The following EFCAB6 variants were observed in gnomAD, a reference collection of about 807,000 sequenced individuals.
EFCAB6 encodes the protein EF-hand calcium-binding domain-containing protein 6.
EFCAB6 carries 156 observed loss-of-function variants against 169.8 expected under a neutral mutation model. The observed-to-expected ratio is 0.92, with a 90% CI of 0.81 to 1.05. The LOEUF is 1.05. EFCAB6 is among the 50% of genes least tolerant of loss of function. The probability of loss-of-function intolerance (pLI) is 0.00; values close to 1 mark genes in which losing one functional copy is unlikely to be tolerated. For synonymous variants in EFCAB6, 698 were observed against 676.4 expected (o/e 1.03, Z -0.50); for missense variants, 1,800 against 1,829.1 (o/e 0.98, Z 0.29).
intron 8 of EFCAB6, among the ~76,000 whole-genome samples, chr22:43,718,341 G>C (rs556595037): frequency 1.3e-5 from 2 of 152,048 alleles, no homozygotes; most frequent in Non-Finnish European, 2.9e-5. Flanking sequence ...CTGCAAATAC[G>C]CTTCAGCCAA....
intron 30 of EFCAB6, among the ~76,000 whole-genome samples, chr22:43,534,477 T>C (rs2047269264): frequency 1.3e-5 from 2 of 152,156 alleles, no homozygotes; most frequent in South Asian, 4.2e-4. Context: ...AATACAAAAA[T>C]TAGCTGGATA....
chr22:43,594,391 A>T (rs2051837526), intron 23 of EFCAB6, among the ~76,000 whole-genome samples: 1 of 152,188 alleles, frequency 6.6e-6, no homozygotes, highest in Non-Finnish European at 1.5e-5. Context: ...TGCTGCCTAT[A>T]AGAAACTCAC....
intron 2 of EFCAB6, among the ~76,000 whole-genome samples, chr22:43,783,004 C>G (rs1226819078): frequency 6.6e-6 from 1 of 152,154 alleles, no homozygotes; most frequent in East Asian, 1.9e-4. Context: ...ACAGGGAAAA[C>G]CCAGCAGGCT....
Position 43,752,276 on chromosome 22 carries a change from C to A in EFCAB6, c.507+3490G>T, listed in dbSNP as rs557349748. Among the ~76,000 whole-genome samples, 10 of 152,168 alleles carry A rather than the reference C, an allele frequency of 6.6e-5. No individual in the cohort carries two copies. The South Asian group carries it at 2.1e-3, about 32-fold the overall frequency. On this transcript the variant is annotated intron_variant, in intron 6 of 31. Transcript: ENST00000262726. ...GGAACTACTGGTGTGCGCCACCATGCCCAGTTAATTTTTGTATTTTTAGTA... is the reference window on the plus strand; with the variant it reads ...GGAACTACTGGTGTGCGCCACCATGACCAGTTAATTTTTGTATTTTTAGTA...
At position 43,580,472 on chromosome 22, in the gene EFCAB6, A is replaced by C; in HGVS notation, c.3220T>G (p.Leu1074Val). Residue 1074 changes from leucine (L) to valine (V), a missense_variant, in exon 25 of 32, where the codon TTG becomes GTG. Physicochemically the swap from Leu to Val is conservative, Grantham distance 32 (BLOSUM62 1). Transcript: ENST00000262726. ...CTTTCAGCCTGTCATACCGTGGACA[A>C]AGCCAGCTGGGAGGACTCAACTACT... ...QEVVESSQLA[L>V]STAFSALDKE... 6.2e-7 allele frequency: 1 copy of C among 1,614,044 alleles called. No homozygotes were observed. Among genetic ancestry groups the C allele is most frequent in the Non-Finnish European group, 8.5e-7 (1 of 1,179,970 alleles).
At chr22:43,583,761 T>C (rs924463368) in intron 24 of EFCAB6, among the ~76,000 whole-genome samples, 38 of 152,236 alleles carry the variant, frequency 2.5e-4, no homozygotes, top group African/African-American at 7.5e-4. Flanking sequence ...TCCAGGACAT[T>C]TTCAGCAGAT....
In EFCAB6 at chr22:43,765,387, G is replaced by C. The variant is rs1329907981; in HGVS notation, c.358C>G (p.Leu120Val). Residue 120 changes from leucine to valine, a missense_variant, in exon 5 of 32, where the codon CTT (leucine) becomes GTT (valine). Coordinates refer to ENST00000262726, the MANE Select transcript of EFCAB6 (RefSeq NM_022785.4). ...QFQDVLAQIP[L>V]STSGTVPYLA... ...TACGGTACAGTACCAGAGGTGCTAA[G>C]GGGGATCTACAGTCAAGGGAGAAGA... 6.2e-7 allele frequency: 1 copy of C among 1,611,292 alleles called. No individual in the cohort carries two copies. The highest frequency in any genetic ancestry group is 1.3e-5 in the African/African-American group (1 of 74,940).
chr22:43,693,002 G>A (rs1223618025), intron 10 of EFCAB6, among the ~76,000 whole-genome samples: 1 of 152,198 alleles, frequency 6.6e-6, no homozygotes, highest in East Asian at 1.9e-4. Context: ...AGAGAAAAGT[G>A]ACTCATTAGG....
chr22:43,744,398 G>A lies in EFCAB6; in HGVS notation c.508-8405C>T, dbSNP rs997998418. 6.6e-6 allele frequency among the ~76,000 whole-genome samples: 1 copy of A among 152,214 alleles called. No individual in the cohort carries two copies. The highest frequency in any genetic ancestry group is 2.4e-5 in the African/African-American group (1 of 41,450). On this transcript the variant is annotated intron_variant, in intron 6 of 31. Coordinates refer to ENST00000262726, the MANE Select transcript of EFCAB6 (RefSeq NM_022785.4). This position sits in a 1 kb window ranked among gnomAD's most constrained non-coding sequence, Gnocchi z 4.3. ...AGTGATCTGCTCTGCACCTACCTGG[G>A]AAGAGGAACTGAGACTCAGACAGAC...
chr22:43,668,363 G>A (rs2057351346), intron 16 of EFCAB6, among the ~76,000 whole-genome samples: 1 of 152,110 alleles, frequency 6.6e-6, no homozygotes. Flanking sequence ...ATATTCATCA[G>A]GCTAATTTTT....
chr22:43,543,798 C>A (rs1279421201), intron 27 of EFCAB6, among the ~76,000 whole-genome samples: 2 of 152,144 alleles, frequency 1.3e-5, no homozygotes, highest in Admixed American at 1.3e-4. Flanking sequence ...GAAAGGGACC[C>A]CTCTCAGGCA....
chr22:43,732,591 C>T (rs867441829), intron 7 of EFCAB6, among the ~76,000 whole-genome samples: 4 of 151,308 alleles, frequency 2.6e-5, no homozygotes, highest in South Asian at 2.1e-4. Context: ...CTCAGCCTAC[C>T]GAGTAGCTGG....
intron 24 of EFCAB6, among the ~76,000 whole-genome samples, chr22:43,583,112 G>A (rs1462560713): frequency 6.6e-6 from 1 of 151,924 alleles, no homozygotes; most frequent in Admixed American, 6.6e-5. Context: ...CTTGAACTTG[G>A]ACCCACCTCA....
intron 3 of EFCAB6, among the ~76,000 whole-genome samples, chr22:43,780,838 T>C (rs917207372): frequency 1.3e-5 from 2 of 152,178 alleles, no homozygotes; most frequent in South Asian, 2.1e-4. Flanking sequence ...AGCCTGAGTG[T>C]CCAGCATGAC....
chr22:43,745,746 T>C (rs1461952680), intron 6 of EFCAB6, among the ~76,000 whole-genome samples: 2 of 152,264 alleles, frequency 1.3e-5, no homozygotes, highest in East Asian at 3.8e-4. Context: ...ATTTTCCTTA[T>C]TATTCTACTT....
At chr22:43,619,744 G>C (rs2053994420) in intron 20 of EFCAB6, among the ~76,000 whole-genome samples, 1 of 152,068 alleles carries the variant, frequency 6.6e-6, no homozygotes, top group African/African-American at 2.4e-5. Flanking sequence ...TACAAAACCT[G>C]TGATACAAAA....
chr22:43,688,372 T>C (rs1056362723), intron 10 of EFCAB6, among the ~76,000 whole-genome samples: 20 of 152,212 alleles, frequency 1.3e-4, no homozygotes, highest in Admixed American at 1.2e-3. Context: ...TACTTTGTTA[T>C]GGCAGCAATA....
At chr22:43,799,665 C>G (rs2062633802) in intron 2 of EFCAB6, among the ~76,000 whole-genome samples, 1 of 152,134 alleles carries the variant, frequency 6.6e-6, no homozygotes, top group African/African-American at 2.4e-5. Flanking sequence ...TAGTCCAGTT[C>G]CAAAATGGCA....
intron 30 of EFCAB6, among the ~76,000 whole-genome samples, chr22:43,532,733 T>C (rs2047154203): frequency 6.6e-6 from 1 of 151,672 alleles, no homozygotes; most frequent in Non-Finnish European, 1.5e-5. Flanking sequence ...TACTTAACTG[T>C]GGCTGGCTTA....
Sources: allele counts gnomAD v4.1 joint callset (sites outside exome capture counted in the v4.1 genomes callset), GRCh38; gene constraint gnomAD v4.1.1; non-coding constraint Gnocchi (gnomAD v3.1); transcripts MANE v1.5; gene names NCBI Gene and HGNC (gene_info 2026-07-23, HGNC 2026-07-21).